Variants in LAMA2 observed in about 807,000 individuals in gnomAD.
The protein encoded by LAMA2 is laminin subunit alpha-2.
In LAMA2, 269 loss-of-function variants were observed where a neutral mutation model predicts 364.8. That is an observed-to-expected ratio of 0.74 (90% confidence interval 0.67 to 0.82). The LOEUF (loss-of-function observed/expected upper bound fraction) is 0.82. Among genes scored for constraint, LAMA2 ranks in the 40% least tolerant of loss-of-function variants. The pLI, the probability that LAMA2 is intolerant of heterozygous loss-of-function variation, is 0.00. For missense variants in LAMA2, 3,807 were observed against 3,873.2 expected, an observed-to-expected ratio of 0.98 and a Z score of 0.45; for synonymous variants, 1,379 against 1,370.6, an observed-to-expected ratio of 1.01 and a Z score of -0.14.
intron 11 of LAMA2, among the ~76,000 whole-genome samples, chr6:129,192,472 A>G (rs1408953415): frequency 1.3e-5 from 2 of 152,200 alleles, no homozygotes; most frequent in African/African-American, 2.4e-5. Context: ...TAGAAACATC[A>G]AGGAAAAAAA....
intron 1 of LAMA2, among the ~76,000 whole-genome samples, chr6:128,961,215 T>A (rs972966542): frequency 1.3e-5 from 2 of 149,680 alleles, no homozygotes; most frequent in African/African-American, 4.9e-5. Flanking sequence ...GTATGAATTC[T>A]TATCCTCACC....
intron 12 of LAMA2, among the ~76,000 whole-genome samples, chr6:129,196,705 A>C (rs1487402745): frequency 6.6e-6 from 1 of 152,198 alleles, no homozygotes; most frequent in Non-Finnish European, 1.5e-5. Flanking sequence ...TAAGAAGATC[A>C]TTATGCAAGT....
intron 18 of LAMA2, among the ~76,000 whole-genome samples, chr6:129,281,962 G>A (rs1583408649): frequency 6.6e-6 from 1 of 152,164 alleles, no homozygotes; most frequent in African/African-American, 2.4e-5. Flanking sequence ...TGTTTGAGAT[G>A]TGCCTGTTGA....
intron 1 of LAMA2, among the ~76,000 whole-genome samples, chr6:129,039,946 G>T (rs921267585): frequency 1.3e-5 from 2 of 152,194 alleles, no homozygotes; most frequent in African/African-American, 4.8e-5. Flanking sequence ...GGGACCCCGG[G>T]TTAGGATGCT....
chr6:128,951,778 CT>C (rs1780835330), intron 1 of LAMA2, among the ~76,000 whole-genome samples: 1 of 152,108 alleles, frequency 6.6e-6, no homozygotes. Context: ...TCCACTTTGG[CT>C]ATTTTGTTTA....
At chr6:129,143,246 A>G (rs1031435228) in intron 4 of LAMA2, among the ~76,000 whole-genome samples, 3 of 151,890 alleles carry the variant, frequency 2.0e-5, no homozygotes, top group African/African-American at 7.3e-5. Context: ...CAGGTTTAAC[A>G]TATTTTTTAG....
At chr6:129,363,436 G>A (rs1224915484) in intron 32 of LAMA2, among the ~76,000 whole-genome samples, 1 of 151,722 alleles carries the variant, frequency 6.6e-6, no homozygotes, top group Non-Finnish European at 1.5e-5. Flanking sequence ...ATTCCAATGG[G>A]CAGCCAAAGG....
At chr6:129,054,744 G>GTA (rs1444072616) in intron 2 of LAMA2, among the ~76,000 whole-genome samples, 5 of 148,356 alleles carry the variant, frequency 3.4e-5, no homozygotes, top group Non-Finnish European at 1.5e-5. Context: ...TAAATATTAT[G>GTA]TATATATAAT....
rs60077511 is a variant in LAMA2 at position 129,483,067 on chromosome 6, G to GA, written c.7749+1643dup. Among the ~76,000 whole-genome samples, 320 of 102,534 alleles carry GA rather than the reference G, an allele frequency of 3.1e-3. 2 individuals are homozygous for GA. Among genetic ancestry groups the GA allele is most frequent in the Middle Eastern group, 6.4e-3 (1 of 156 alleles). The allele number at this position is 102,534 out of a possible 152,430, so 67.3% of individuals were successfully genotyped here. ...GCGCGACAATGTGAGACTCCGACTC[G>GA]AAAAAAAAAAAAAAAGAAAAAGAAA... On this transcript the variant is annotated intron_variant, in intron 55 of 64. Coordinates refer to ENST00000421865, the MANE Select transcript of LAMA2 (RefSeq NM_000426.4).
At chr6:129,408,453 G>T (rs1317079112) in intron 40 of LAMA2, among the ~76,000 whole-genome samples, 1 of 152,142 alleles carries the variant, frequency 6.6e-6, no homozygotes, top group Non-Finnish European at 1.5e-5. Context: ...TTGTTCAGAG[G>T]CAATGCTGTG....
chr6:129,158,411 G>T, intron 8 of LAMA2: 5 of 1,613,878 alleles, frequency 3.1e-6, no homozygotes, highest in Non-Finnish European at 3.4e-6. Flanking sequence ...CAACTTGCCG[G>T]ACCATCTGAA....
intron 1 of LAMA2, among the ~76,000 whole-genome samples, chr6:129,046,515 T>G (rs1362527533): frequency 6.6e-6 from 1 of 152,124 alleles, no homozygotes; most frequent in Non-Finnish European, 1.5e-5. Context: ...GAGAAAAACC[T>G]GCCCTCATGA....
Position 129,103,020 on chromosome 6 carries a change from C to G in LAMA2, c.639+4605C>G, listed in dbSNP as rs565554875. On this transcript the variant is annotated intron_variant, in intron 4 of 64. Transcript: ENST00000421865. ...CTTTTGTCCTCCTAATACAGCAGGGCTGTCAAAAGAGCTGCTCAGTCTCTC... is the reference window on the plus strand; with the variant it reads ...CTTTTGTCCTCCTAATACAGCAGGGGTGTCAAAAGAGCTGCTCAGTCTCTC... Among the ~76,000 whole-genome samples, 296 of 152,310 alleles carry G rather than the reference C, an allele frequency of 1.9e-3. 2 individuals carry two copies. The highest frequency in any genetic ancestry group is 6.7e-3 in the African/African-American group (280 of 41,566).
intron 1 of LAMA2, among the ~76,000 whole-genome samples, chr6:129,029,747 G>A (rs370010828): frequency 6.6e-6 from 1 of 152,032 alleles, no homozygotes; most frequent in Admixed American, 6.6e-5. Flanking sequence ...GGAAACTATG[G>A]AAATGATTGT....
intron 1 of LAMA2, among the ~76,000 whole-genome samples, chr6:128,964,942 T>C (rs1781743169): frequency 6.6e-6 from 1 of 151,922 alleles, no homozygotes; most frequent in South Asian, 2.1e-4. Flanking sequence ...TCCAGTTCTG[T>C]GGCAAGAACA....
intron 34 of LAMA2, among the ~76,000 whole-genome samples, chr6:129,379,144 G>T (rs1778537063): frequency 6.6e-6 from 1 of 152,164 alleles, no homozygotes; most frequent in South Asian, 2.1e-4. Flanking sequence ...TTATAAATGG[G>T]AGTTAAATGA....
intron 62 of LAMA2, among the ~76,000 whole-genome samples, chr6:129,509,829 C>G (rs1458263837): frequency 6.6e-6 from 1 of 152,022 alleles, no homozygotes; most frequent in Non-Finnish European, 1.5e-5. Flanking sequence ...ATAGCTGTGG[C>G]TATTCTGGGT....
rs979498393 is a variant in LAMA2, at chr6:129,078,147, T to C, written c.396+18251T>C. On this transcript the variant is annotated intron_variant, in intron 3 of 64. Coordinates refer to ENST00000421865, the MANE Select transcript of LAMA2 (RefSeq NM_000426.4). ...AAATCTCTGTATTTTTTTTTTTTTC[T>C]TTTTTGAGACAAAGTCTTGCTGTGT... 2.7e-5 allele frequency among the ~76,000 whole-genome samples: 4 copies of C among 145,830 alleles called. No individual in the cohort carries two copies. In the South Asian group the frequency reaches 8.7e-4, roughly 32 times the overall value.
At chr6:129,467,717 A>G (rs1783616575) in intron 51 of LAMA2, among the ~76,000 whole-genome samples, 2 of 151,886 alleles carry the variant, frequency 1.3e-5, no homozygotes, top group African/African-American at 4.8e-5. Context: ...CTCAACTTTT[A>G]TTCTATCCAT....
Sources: allele counts gnomAD v4.1 joint callset (sites outside exome capture counted in the v4.1 genomes callset), GRCh38; gene constraint gnomAD v4.1.1; transcripts MANE v1.5; gene names NCBI Gene and HGNC (gene_info 2026-07-23, HGNC 2026-07-21).